Variants in MUC3A observed in about 807,000 individuals in gnomAD.
MUC3A encodes the protein mucin-3A.
In MUC3A, 109 loss-of-function variants were observed where a neutral mutation model predicts 109.0. That is an observed-to-expected ratio of 1.00 (90% CI 0.86 to 1.17). The LOEUF is 1.17. MUC3A is among the 50% of genes most tolerant of loss of function. The pLI is 0.00. For synonymous variants in MUC3A, 1,398 were observed against 981.4 expected (o/e 1.42, Z -7.93); for missense variants, 3,537 against 2,469.4 (o/e 1.43, Z -9.16).
In MUC3A at chr7:100,952,222, C is replaced by T. The variant is rs781659697; in HGVS notation, c.443C>T (p.Thr148Met). 3.9e-5 allele frequency: 63 copies of T among 1,598,052 alleles called. No individual in the cohort carries two copies. The highest frequency in any genetic ancestry group is 4.7e-5 in the Non-Finnish European group (55 of 1,179,436). The change falls in exon 2 of 12, where the codon ACG becomes ATG. Residue 148 changes from threonine to methionine, a missense_variant. Coordinates refer to ENST00000379458, the MANE Select transcript of MUC3A (RefSeq NM_005960.2). ...ISHPTSICVT[T>M]TQVAFTSSYT... Reference sequence around the variant, plus strand: ...CACCCCACCTCCATCTGTGTGACCACGACGCAGGTGGCCTTCACCAGCTCT... The same window carrying T: ...CACCCCACCTCCATCTGTGTGACCATGACGCAGGTGGCCTTCACCAGCTCT...
intron 5 of MUC3A, chr7:100,964,437 G>C: frequency 1.9e-6 from 1 of 530,240 alleles, no homozygotes; most frequent in Non-Finnish European, 3.1e-6. Context: ...TCCAGCCTGG[G>C]TGACAGCAAG....
At position 100,960,385 on chromosome 7, in the gene MUC3A, G is replaced by T. The variant is rs766074974; in HGVS notation, c.8606G>T (p.Ser2869Ile). 1.3e-6 allele frequency: 2 copies of T among 1,598,412 alleles called. No individual in the cohort carries two copies. The highest frequency in any genetic ancestry group is 3.3e-5 in the Admixed American group (2 of 60,008). The change falls in exon 2 of 12, where the codon AGT (serine) becomes ATT (isoleucine). Residue 2869 changes from serine (S) to isoleucine (I), a missense_variant. Physicochemically the swap from Ser to Ile is moderately radical, Grantham distance 142 (BLOSUM62 -2). Coordinates refer to ENST00000379458, the MANE Select transcript of MUC3A (RefSeq NM_005960.2). Reference protein sequence around the residue: ...TVFTSTRLPTSETWLSNSSVI... With the variant: ...TVFTSTRLPTIETWLSNSSVI... ...TTCACAAGTACTCGACTGCCCACCA[G>T]TGAGACCTGGCTGAGCAACAGTTCT...
rs973965438 is a variant in MUC3A, at chr7:100,954,509, C to T, written c.2730C>T (p.Phe910=). The T allele has an allele frequency of 0.16, 62,542 of 399,570 alleles. 426 individuals are homozygous for T. The highest frequency in any genetic ancestry group is 0.19 in the Non-Finnish European group (44,157 of 227,366). 24.8% of individuals were successfully genotyped at this position (399,570 alleles called of 1,614,324 possible). A position where few individuals can be genotyped will look rare whatever the true frequency, so the allele number is the denominator to read the frequency against. Residue 910 remains phenylalanine, a synonymous_variant, in exon 2 of 12, where the codon TTC becomes TTT. Coordinates refer to ENST00000379458, the MANE Select transcript of MUC3A (RefSeq NM_005960.2). ...LLTSFPMTHS[F]SSSMSESSAG... ...CAAGCTTTCCAATGACACATTCATT[C>T]TCTTCTTCTATGTCTGAAAGTAGTG...
chr7:100,955,201 C>T lies in MUC3A; in HGVS notation c.3422C>T (p.Thr1141Ile). The change falls in exon 2 of 12, where the codon ACC becomes ATC. Residue 1141 changes from threonine to isoleucine, a missense_variant. Coordinates refer to ENST00000379458, the MANE Select transcript of MUC3A (RefSeq NM_005960.2). ...ATMTPTTTLITTTPNTTSLST... is the reference protein window; with the variant it reads ...ATMTPTTTLIITTPNTTSLST... ...ATGACTCCTACCACAACCTTGATAA[C>T]CACCACCCCTAATACCACCTCCCTT... 1 of 513,768 alleles carries T rather than the reference C, an allele frequency of 1.9e-6. No homozygotes were observed. The highest frequency in any genetic ancestry group is 3.2e-5 in the East Asian group (1 of 31,444). 31.8% of individuals were successfully genotyped at this position (513,768 alleles called of 1,614,324 possible).
In MUC3A at chr7:100,966,640, G is replaced by A. The variant is rs777435687; in HGVS notation, c.9786-12G>A. The A allele has an allele frequency of 1.9e-6, 3 of 1,598,488 alleles. No homozygotes were observed. Among genetic ancestry groups the A allele is most frequent in the Admixed American group, 3.3e-5 (2 of 60,018 alleles). On this transcript the variant is annotated splice_polypyrimidine_tract_variant and intron_variant, in intron 9 of 11. Coordinates refer to ENST00000379458, the MANE Select transcript of MUC3A (RefSeq NM_005960.2). ...GGCCGGCTCTGTCTGACCGCGCGGC[G>A]GCCCCACCTAGGTCCTGGGACCAGG...
Position 100,952,156 on chromosome 7 carries a change from C to G in MUC3A, c.377C>G (p.Thr126Ser). 6 of 1,598,518 alleles carry G rather than the reference C, an allele frequency of 3.8e-6. No individual in the cohort carries two copies. The highest frequency in any genetic ancestry group is 5.1e-6 in the Non-Finnish European group (6 of 1,179,740). ...PPTVLVYSAT[T>S]ECVYPTSFII... ...ACCGTGTTGGTCTATTCAGCCACCA[C>G]TGAGTGCGTGTATCCAACGAGCTTT... is the stretch of plus-strand genomic sequence containing the variant. Residue 126 changes from threonine to serine, a missense_variant, in exon 2 of 12, where the codon ACT becomes AGT. By Grantham distance (58) the Thr-to-Ser change is moderately conservative. Transcript: ENST00000379458.
intron 8 of MUC3A, 33 bp downstream of exon 8, chr7:100,965,899 G>A: frequency 6.4e-7 from 1 of 1,566,686 alleles, no homozygotes; most frequent in Non-Finnish European, 8.6e-7. Context: ...CATCAGCCGA[G>A]CCCCTCCCAC....
At chr7:100,966,809 C>A (rs1792588272) in intron 10 of MUC3A, 66 bp downstream of exon 10, 2 of 1,598,280 alleles carry the variant, frequency 1.3e-6, no homozygotes, top group African/African-American at 1.3e-5. Context: ...GACAGACGCC[C>A]TCCCTGCCTT....
chr7:100,966,919 G>A lies in MUC3A; in HGVS notation c.9898G>A (p.Val3300Met). The A allele has an allele frequency of 6.3e-7, 1 of 1,598,550 alleles. No individual in the cohort carries two copies. The change falls in exon 11 of 12, where the codon GTG becomes ATG. Residue 3300 changes from valine (V) to methionine (M), a missense_variant. Coordinates refer to ENST00000379458, the MANE Select transcript of MUC3A (RefSeq NM_005960.2). ...TCTAGACAAGGATACAAATTTCTAT[G>A]TGGCCTTGGAGAACGTGGACACCAC... The part of the protein sequence containing the change: ...DGTDKDTNFY[V>M]ALENVDTTMK...
Position 100,955,802 on chromosome 7 carries a change from C to A in MUC3A, c.4023C>A (p.Thr1341=), listed in dbSNP as rs1320862084. The A allele has an allele frequency of 3.3e-3, 391 of 118,426 alleles. No homozygotes were observed. The highest frequency in any genetic ancestry group is 0.012 in the African/African-American group (57 of 4,728). 7.3% of individuals were successfully genotyped at this position (118,426 alleles called of 1,614,324 possible). A position where few individuals can be genotyped will look rare whatever the true frequency, so the allele number is the denominator to read the frequency against. ...TTSPTMEPPS[T]TVATTGTGQT... is the part of the protein sequence containing the mutation. ...CCCCAACGATGGAACCACCTTCAACCACTGTAGCGACTACAGGCACAGGTC... is the reference window on the plus strand; with the variant it reads ...CCCCAACGATGGAACCACCTTCAACAACTGTAGCGACTACAGGCACAGGTC... Residue 1341 remains threonine, a synonymous_variant, in exon 2 of 12, where the codon ACC becomes ACA. Coordinates refer to ENST00000379458, the MANE Select transcript of MUC3A (RefSeq NM_005960.2).
intron 11 of MUC3A, 44 bp downstream of exon 11, chr7:100,966,995 C>A (rs1186205503): frequency 1.4e-5 from 23 of 1,598,526 alleles, no homozygotes; most frequent in Non-Finnish European, 1.9e-5. Flanking sequence ...CTCCCAGCCT[C>A]CATTCCAGAA....
In MUC3A at chr7:100,954,684, A is replaced by G. The variant is rs1274885520; in HGVS notation, c.2905A>G (p.Thr969Ala). 1.7e-5 allele frequency: 7 copies of G among 400,358 alleles called. No individual in the cohort carries two copies. Among genetic ancestry groups the G allele is most frequent in the Non-Finnish European group, 3.1e-5 (7 of 227,438 alleles). The allele number at this position is 400,358 out of a possible 1,614,324, so 24.8% of individuals were successfully genotyped here. A position where few individuals can be genotyped will look rare whatever the true frequency, so the allele number is the denominator to read the frequency against. ...ACCACCTTCATCCACTGTATCAACT[A>G]CAGGCAGAGGTCAGACCACCTTTCC... The part of the protein sequence containing the change: ...MEPPSSTVST[T>A]GRGQTTFPSS... The change falls in exon 2 of 12, where the codon ACA becomes GCA. Residue 969 changes from threonine (T) to alanine (A), a missense_variant. Physicochemically the swap from Thr to Ala is moderately conservative, Grantham distance 58. Coordinates refer to ENST00000379458, the MANE Select transcript of MUC3A (RefSeq NM_005960.2).
Position 100,967,781 on chromosome 7 carries a change from T to G in MUC3A, c.*619T>G, listed in dbSNP as rs1339634131. On this transcript the variant is annotated 3_prime_UTR_variant, in exon 12 of 12. Coordinates refer to ENST00000379458, the MANE Select transcript of MUC3A (RefSeq NM_005960.2). ...TGCACCCCAGTCCCCCAGCCCTAAA[T>G]CCTCCCTCCTCTCCTCACATCCTGG... The G allele has an allele frequency of 6.0e-6, 1 of 165,350 alleles. No individual in the cohort carries two copies. Among genetic ancestry groups the G allele is most frequent in the African/African-American group, 2.5e-5 (1 of 39,928 alleles). The allele number at this position is 165,350 out of a possible 1,614,324, so 10.2% of individuals were successfully genotyped here.
At position 100,952,228 on chromosome 7, in the gene MUC3A, A is replaced by G; in HGVS notation, c.449A>G (p.Gln150Arg). The change falls in exon 2 of 12, where the codon CAG becomes CGG. Residue 150 changes from glutamine to arginine, a missense_variant. Physicochemically the swap from Gln to Arg is conservative, Grantham distance 43 (BLOSUM62 1). Transcript: ENST00000379458. ...HPTSICVTTT[Q>R]VAFTSSYTST... The stretch of plus-strand genomic sequence containing the variant: ...ACCTCCATCTGTGTGACCACGACGC[A>G]GGTGGCCTTCACCAGCTCTTACACC... The G allele has an allele frequency of 6.3e-7, 1 of 1,598,548 alleles. No homozygotes were observed. The highest frequency in any genetic ancestry group is 8.5e-7 in the Non-Finnish European group (1 of 1,179,798).
At position 100,959,146 on chromosome 7, in the gene MUC3A, C is replaced by T. The variant is rs763485387; in HGVS notation, c.7367C>T (p.Thr2456Ile). ...ATCTACTCCACAGTCAGCACATCCA[C>T]AACTGCCATCACCTCACATTTTACT... ...STIYSTVSTS[T>I]TAITSHFTTS... Residue 2456 changes from threonine to isoleucine, a missense_variant, in exon 2 of 12, where the codon ACA becomes ATA. Thr to Ile is a moderately conservative substitution (Grantham distance 89, BLOSUM62 -1). Coordinates refer to ENST00000379458, the MANE Select transcript of MUC3A (RefSeq NM_005960.2). 2.0e-6 allele frequency: 3 copies of T among 1,508,598 alleles called. No homozygotes were observed. Among genetic ancestry groups the T allele is most frequent in the South Asian group, 2.3e-5 (2 of 87,518 alleles). The allele number at this position is 1,508,598 out of a possible 1,614,324, so 93.5% of individuals were successfully genotyped here. A position where few individuals can be genotyped will look rare whatever the true frequency, so the allele number is the denominator to read the frequency against.
rs113219051 is a variant in MUC3A, at chr7:100,959,387, A to G, written c.7608A>G (p.Glu2536=). The change falls in exon 2 of 12, where the codon GAA becomes GAG. Residue 2536 remains glutamate, a synonymous_variant. Coordinates refer to ENST00000379458, the MANE Select transcript of MUC3A (RefSeq NM_005960.2). The part of the protein sequence containing the change: ...ISSSPSIQST[E]TSSLVGTTSP... ...CTTCTCCCTCCATCCAAAGTACAGA[A>G]ACCTCATCCCTTGTGGGCACCACCT... 57,400 of 1,205,194 alleles carry G rather than the reference A, an allele frequency of 0.048. 1 individual carries two copies. Among genetic ancestry groups the G allele is most frequent in the Middle Eastern group, 0.058 (265 of 4,606 alleles). The allele number at this position is 1,205,194 out of a possible 1,614,324, so 74.7% of individuals were successfully genotyped here.
intron 6 of MUC3A, 175 bp downstream of exon 6, chr7:100,965,018 C>G: frequency 8.5e-7 from 1 of 1,182,058 alleles, no homozygotes; most frequent in Admixed American, 2.7e-5. Context: ...GAGGGTCTCC[C>G]CGTGACCTCG....
rs1364195689 is a variant in MUC3A, at chr7:100,963,254, C to T, written c.9156C>T (p.Thr3052=). 4 of 1,597,744 alleles carry T rather than the reference C, an allele frequency of 2.5e-6. No homozygotes were observed. In the Admixed American group the frequency reaches 6.7e-5, roughly 27 times the overall value. The change falls in exon 4 of 12, where the codon ACC becomes ACT. Residue 3052 remains threonine (T), a synonymous_variant. Transcript: ENST00000379458. ...TSQAYRDFNK[T]FWNQMQKIFA... Reference sequence around the variant, plus strand: ...AGGCCTACAGGGATTTCAACAAGACCTTCTGGAATCAGGTAAAGGGCAAAG... The same window carrying T: ...AGGCCTACAGGGATTTCAACAAGACTTTCTGGAATCAGGTAAAGGGCAAAG...
At chr7:100,951,775 A>G (rs75547895) in intron 1 of MUC3A, 66 bp from the exon 2 acceptor site, 5 of 1,551,094 alleles carry the variant, frequency 3.2e-6, no homozygotes, top group South Asian at 1.2e-5. Flanking sequence ...AGTAGCTTAC[A>G]TGAGTGATGT....
Sources: allele counts gnomAD v4.1 joint callset, GRCh38; gene constraint gnomAD v4.1.1; transcripts MANE v1.5; gene names NCBI Gene and HGNC (gene_info 2026-07-23, HGNC 2026-07-21).